PTPRD: variants seen among roughly 807,000 people sequenced by gnomAD.
PTPRD encodes receptor-type tyrosine-protein phosphatase delta.
In PTPRD, 34 loss-of-function variants were observed where a neutral mutation model predicts 214.5. The ratio of observed to expected loss-of-function variants is 0.16; its 90% CI spans 0.12 to 0.21. The LOEUF is 0.21. Among genes scored for constraint, PTPRD ranks in the 10% least tolerant of loss-of-function variants. PTPRD has a pLI of 1.00. For missense variants in PTPRD, 2,545 were observed against 2,398.7 expected, an observed-to-expected ratio of 1.06 and a Z score of -1.27; for synonymous variants, 1,128 against 845.7, an observed-to-expected ratio of 1.33 and a Z score of -5.79.
At chr9:8,794,009 C>T (rs1448025465) in intron 11 of PTPRD, among the ~76,000 whole-genome samples, 1 of 152,162 alleles carries the variant, frequency 6.6e-6, no homozygotes, top group African/African-American at 2.4e-5. Context: ...ATATAGAGTA[C>T]TAGGAAACTA....
At chr9:10,310,672 A>C (rs997933773) in intron 3 of PTPRD, among the ~76,000 whole-genome samples, 3 of 152,202 alleles carry the variant, frequency 2.0e-5, no homozygotes, top group Non-Finnish European at 4.4e-5. Context: ...ATGGACATTA[A>C]AGCTTTTGGC....
rs115673428 is a variant in PTPRD, at chr9:9,536,450, T to G, written c.-237+38282A>C. Among the ~76,000 whole-genome samples, 502 of 152,148 alleles carry G rather than the reference T, an allele frequency of 3.3e-3. 4 individuals are homozygous for G. The highest frequency in any genetic ancestry group is 0.011 in the African/African-American group (476 of 41,514). ...TAATTATTTGCCTAAGAAACAGCATTTGGATGGCATGAATCTAATGGAATC... is the reference window on the plus strand; with the variant it reads ...TAATTATTTGCCTAAGAAACAGCATGTGGATGGCATGAATCTAATGGAATC... On this transcript the variant is annotated intron_variant, in intron 8 of 45. Coordinates refer to ENST00000381196, the MANE Select transcript of PTPRD (RefSeq NM_002839.4).
chr9:8,815,491 T>C (rs2096901787), intron 11 of PTPRD, among the ~76,000 whole-genome samples: 1 of 152,180 alleles, frequency 6.6e-6, no homozygotes, highest in Non-Finnish European at 1.5e-5. Context: ...GAGCATCCAT[T>C]AGCAGTTACA....
chr9:10,160,985 T>C (rs1435625863), intron 3 of PTPRD, among the ~76,000 whole-genome samples: 1 of 151,884 alleles, frequency 6.6e-6, no homozygotes, highest in Admixed American at 6.6e-5. Context: ...ACAAAGAATA[T>C]AAAATGCCTA....
At chr9:9,981,666 T>C (rs937052480) in intron 4 of PTPRD, among the ~76,000 whole-genome samples, 2 of 152,072 alleles carry the variant, frequency 1.3e-5, no homozygotes, top group African/African-American at 4.8e-5. Flanking sequence ...GGCCAACGAT[T>C]CTACATTCTT....
chr9:9,645,143 T>G (rs1482124094), intron 7 of PTPRD, among the ~76,000 whole-genome samples: 2 of 152,216 alleles, frequency 1.3e-5, no homozygotes, highest in African/African-American at 4.8e-5. Flanking sequence ...CTCCTGCACC[T>G]GCTCACCTGC....
chr9:9,988,007 T>C (rs2095783343), intron 4 of PTPRD, among the ~76,000 whole-genome samples: 1 of 152,176 alleles, frequency 6.6e-6, no homozygotes, highest in South Asian at 2.1e-4. Context: ...ACATTTCTTC[T>C]AAGAGATATC....
chr9:10,089,081 C>A (rs572818742), intron 3 of PTPRD, among the ~76,000 whole-genome samples: 1 of 151,572 alleles, frequency 6.6e-6, no homozygotes, highest in East Asian at 2.0e-4. Context: ...TCATGGTGCC[C>A]ATGTAGTCCC....
intron 5 of PTPRD, among the ~76,000 whole-genome samples, chr9:9,923,336 C>G (rs1566361026): frequency 6.8e-6 from 1 of 147,220 alleles, no homozygotes; most frequent in African/African-American, 2.5e-5. Context: ...AAGAAAGACA[C>G]AAAGAGATGG....
chr9:8,533,344 A>T (rs554526770), intron 14 of PTPRD, among the ~76,000 whole-genome samples: 1 of 152,160 alleles, frequency 6.6e-6, no homozygotes, highest in Non-Finnish European at 1.5e-5. Flanking sequence ...CGAAGTCTTC[A>T]ATAAAGAACT....
At chr9:9,444,324 T>G (rs1367966894) in intron 8 of PTPRD, among the ~76,000 whole-genome samples, 1 of 152,174 alleles carries the variant, frequency 6.6e-6, no homozygotes. Flanking sequence ...CCGATAAATA[T>G]GAAAAGATTT....
At chr9:9,958,897 T>G (rs1378893461) in intron 4 of PTPRD, among the ~76,000 whole-genome samples, 1 of 152,122 alleles carries the variant, frequency 6.6e-6, no homozygotes, top group African/African-American at 2.4e-5. Flanking sequence ...TGTAGGGCAA[T>G]AGGTGGGAAT....
intron 7 of PTPRD, among the ~76,000 whole-genome samples, chr9:9,587,965 G>A (rs1167062512): frequency 6.6e-6 from 1 of 151,936 alleles, no homozygotes; most frequent in Non-Finnish European, 1.5e-5. Flanking sequence ...TCTAGCAACA[G>A]TATTTTGTAT....
intron 8 of PTPRD, among the ~76,000 whole-genome samples, chr9:9,551,407 C>A (rs960895971): frequency 6.6e-6 from 1 of 151,868 alleles, no homozygotes; most frequent in Non-Finnish European, 1.5e-5. Flanking sequence ...AGTGGTAGTA[C>A]TAGGCAACAT....
chr9:10,257,981 AAGG>A (rs2093408295), intron 3 of PTPRD, among the ~76,000 whole-genome samples: 1 of 152,078 alleles, frequency 6.6e-6, no homozygotes, highest in South Asian at 2.1e-4. Flanking sequence ...AAAGGAAGGG[AAGG>A]AGAAGGTAGG....
intron 10 of PTPRD, among the ~76,000 whole-genome samples, chr9:9,073,420 G>T (rs1442960234): frequency 6.6e-6 from 1 of 152,104 alleles, no homozygotes; most frequent in Non-Finnish European, 1.5e-5. Flanking sequence ...GCTAGATCAT[G>T]GTACTCAGTT....
intron 20 of PTPRD, among the ~76,000 whole-genome samples, chr9:8,519,009 TA>T (rs2097841591): frequency 6.6e-6 from 1 of 152,142 alleles, no homozygotes; most frequent in African/African-American, 2.4e-5. Flanking sequence ...GAAATGAAAT[TA>T]AATTGCGATG....
At chr9:9,869,847 C>G (rs2064976858) in intron 5 of PTPRD, among the ~76,000 whole-genome samples, 1 of 151,522 alleles carries the variant, frequency 6.6e-6, no homozygotes, top group Non-Finnish European at 1.5e-5. Context: ...ACTATGTGAA[C>G]AAACCAACTG....
intron 5 of PTPRD, among the ~76,000 whole-genome samples, chr9:9,924,237 G>A (rs1602327237): frequency 6.6e-6 from 1 of 151,926 alleles, no homozygotes; most frequent in Non-Finnish European, 1.5e-5. Flanking sequence ...ATTAGGTAAT[G>A]TTTAAAGTTG....
Sources: gnomAD v4.1 joint callset for allele counts (sites outside exome capture counted in the v4.1 genomes callset) on GRCh38, gnomAD v4.1.1 for gene constraint, MANE v1.5 for transcripts, NCBI Gene and HGNC (gene_info 2026-07-23, HGNC 2026-07-21) for gene names.